The following RGS8 variants were observed in gnomAD, a reference collection of about 807,000 sequenced individuals.
The protein encoded by RGS8 is regulator of G protein signaling 8.
RGS8 carries 8 observed loss-of-function variants against 21.7 expected under a neutral mutation model. The ratio of observed to expected loss-of-function variants is 0.37; its 90% CI spans 0.22 to 0.66. The LOEUF (loss-of-function observed/expected upper bound fraction) is 0.66, where lower values mean the gene tolerates loss of function less well. Among genes scored for constraint, RGS8 ranks in the 30% least tolerant of loss-of-function variants. RGS8 has a pLI of 0.59. For missense variants in RGS8, 157 were observed against 217.9 expected (o/e 0.72, Z 1.76); for synonymous variants, 80 against 83.6 (o/e 0.96, Z 0.24).
chr1:182,750,597 C>G, the RGS8 span, among the ~76,000 whole-genome samples: 2 of 152,108 alleles, frequency 1.3e-5, no homozygotes, highest in Non-Finnish European at 2.9e-5. Context: ...TTGAGGGTTC[C>G]TCTAACTGCA....
At chr1:182,741,386 G>C in the RGS8 span, among the ~76,000 whole-genome samples, 1 of 134,178 alleles carries the variant, frequency 7.5e-6, no homozygotes. Flanking sequence ...CCTCCCGGAC[G>C]GGGCGGCTGG....
At position 182,665,957 on chromosome 1, in the gene RGS8, A is replaced by T; in HGVS notation, c.193+12T>A. On this transcript the variant is annotated intron_variant, in intron 5 of 6. Transcript: ENST00000483095. ...ATTTGCCATGTCATGATACGACCTGAATTCTACTTACACTTATGAGAGAGA... is the reference window on the plus strand; with the variant it reads ...ATTTGCCATGTCATGATACGACCTGTATTCTACTTACACTTATGAGAGAGA... 6.2e-7 allele frequency: 1 copy of T among 1,609,484 alleles called. No homozygotes were observed. Among genetic ancestry groups the T allele is most frequent in the Non-Finnish European group, 8.5e-7 (1 of 1,175,822 alleles).
chr1:182,730,542 T>C, the RGS8 span, among the ~76,000 whole-genome samples: 1 of 151,696 alleles, frequency 6.6e-6, no homozygotes, highest in African/African-American at 2.4e-5. Flanking sequence ...AAACCACATC[T>C]CTACTAAAAA....
At chr1:182,713,889 A>G in the RGS8 span, among the ~76,000 whole-genome samples, 1 of 152,232 alleles carries the variant, frequency 6.6e-6, no homozygotes, top group Admixed American at 6.5e-5. Flanking sequence ...AAGTACACAG[A>G]AAATACAGTA....
the RGS8 span, among the ~76,000 whole-genome samples, chr1:182,715,813 T>C: frequency 6.6e-6 from 1 of 152,112 alleles, no homozygotes; most frequent in African/African-American, 2.4e-5. Flanking sequence ...TGGCTAGTAA[T>C]ATTAGGGTCT....
At chr1:182,734,211 G>A in the RGS8 span, among the ~76,000 whole-genome samples, 1 of 152,090 alleles carries the variant, frequency 6.6e-6, no homozygotes, top group Admixed American at 6.5e-5. Flanking sequence ...ATGAGCCACC[G>A]TGCCTGGCCC....
chr1:182,683,465 T>C (rs555966593), intron 1 of RGS8, among the ~76,000 whole-genome samples: 1 of 152,242 alleles, frequency 6.6e-6, no homozygotes, highest in African/African-American at 2.4e-5. Context: ...GACTTCAGGA[T>C]GGGGTAAGCT....
upstream of RGS8, among the ~76,000 whole-genome samples, chr1:182,674,388 A>G (rs1664289296): frequency 6.6e-6 from 1 of 152,240 alleles, no homozygotes; most frequent in Admixed American, 6.5e-5. Context: ...AAGAAAGAAC[A>G]GGAATATAAA....
chr1:182,727,844 A>T, the RGS8 span, among the ~76,000 whole-genome samples: 1 of 151,996 alleles, frequency 6.6e-6, no homozygotes, highest in Non-Finnish European at 1.5e-5. Context: ...ATATAAAATG[A>T]ATAGTTTCAC....
intron 5 of RGS8, among the ~76,000 whole-genome samples, chr1:182,665,381 T>A (rs1396828107): frequency 6.6e-6 from 1 of 152,020 alleles, no homozygotes; most frequent in Non-Finnish European, 1.5e-5. Flanking sequence ...ACAAAAGGCA[T>A]TACAGATGAG....
the RGS8 span, among the ~76,000 whole-genome samples, chr1:182,729,953 T>C: frequency 7.2e-5 from 11 of 152,292 alleles, no homozygotes; most frequent in East Asian, 1.4e-3. Context: ...TGGCAGACCA[T>C]GTTTAGGCAA....
chr1:182,704,787 T>C, the RGS8 span, among the ~76,000 whole-genome samples: 6 of 152,162 alleles, frequency 3.9e-5, no homozygotes, highest in Non-Finnish European at 8.8e-5. Context: ...GGTGGCCTTA[T>C]GCTAGGGATG....
chr1:182,706,527 T>C, the RGS8 span, among the ~76,000 whole-genome samples: 80,192 of 151,628 alleles, frequency 0.53, 22,071 homozygotes, highest in African/African-American at 0.71. Context: ...AGTACAGTGG[T>C]ACGATCTCAG....
At chr1:182,647,094 G>A (rs1398100318) in intron 6 of RGS8, among the ~76,000 whole-genome samples, 177 bp from the exon 8 acceptor site, 1 of 152,202 alleles carries the variant, frequency 6.6e-6, no homozygotes, top group Non-Finnish European at 1.5e-5. Context: ...ATCCTGTGGG[G>A]TCTGAAGACC....
chr1:182,694,712 G>T, the RGS8 span, among the ~76,000 whole-genome samples: 2 of 151,514 alleles, frequency 1.3e-5, no homozygotes, highest in East Asian at 3.9e-4. Context: ...GGAGGCTGAG[G>T]CATGAGAATC....
At chr1:182,701,532 G>A in the RGS8 span, among the ~76,000 whole-genome samples, 1 of 152,152 alleles carries the variant, frequency 6.6e-6, no homozygotes, top group Non-Finnish European at 1.5e-5. Flanking sequence ...GTCCCTTAAG[G>A]AGTACCATAA....
At chr1:182,701,011 C>A in the RGS8 span, among the ~76,000 whole-genome samples, 3 of 152,176 alleles carry the variant, frequency 2.0e-5, no homozygotes, top group African/African-American at 4.8e-5. Context: ...GTAACAAATT[C>A]ATCATATAAA....
chr1:182,642,375 G>A (rs1662504938), downstream of RGS8: 1 of 152,410 alleles, frequency 6.6e-6, no homozygotes, highest in South Asian at 2.1e-4. Flanking sequence ...GGCCTGGGAT[G>A]GAAAACTGTG....
chr1:182,655,926 C>T lies in RGS8; in HGVS notation c.194-7623G>A, dbSNP rs1308832015. ...GCTCCTAAGCAGACAGAGGCTCTGG[C>T]GTCACACAGCCTGGCATGACCTTGG... On this transcript the variant is annotated intron_variant, in intron 5 of 6. Transcript: ENST00000483095. 4.6e-5 allele frequency among the ~76,000 whole-genome samples: 7 copies of T among 152,294 alleles called. No individual in the cohort carries two copies. In the South Asian group the frequency reaches 8.3e-4, roughly 18 times the overall value.
Sources: allele counts gnomAD v4.1 joint callset (sites outside exome capture counted in the v4.1 genomes callset), GRCh38; gene constraint gnomAD v4.1.1; transcripts MANE v1.5; gene names NCBI Gene and HGNC (gene_info 2026-07-23, HGNC 2026-07-21).